TRABD2A: variants seen among roughly 807,000 people sequenced by gnomAD.
TRABD2A encodes the protein metalloprotease TIKI1.
Under a neutral mutation model 45.6 loss-of-function variants are expected in TRABD2A, and 43 were observed. The ratio of observed to expected loss-of-function variants is 0.94; its 90% CI spans 0.74 to 1.22. The LOEUF is 1.22. TRABD2A is among the 50% of genes most tolerant of loss of function. The pLI is 0.00. For missense variants in TRABD2A, 642 were observed against 652.4 expected (o/e 0.98, Z 0.17); for synonymous variants, 269 against 265.0 (o/e 1.02, Z -0.15).
At chr2:84,837,032 G>T (rs1681539635) in intron 4 of TRABD2A, 2 of 111,880 alleles carry the variant, frequency 1.8e-5, no homozygotes. Flanking sequence ...TCACTCTTGT[G>T]GCCCAGGCTG....
At chr2:84,869,575 T>A (rs1682801511) in intron 2 of TRABD2A, among the ~76,000 whole-genome samples, 1 of 152,214 alleles carries the variant, frequency 6.6e-6, no homozygotes, top group East Asian at 1.9e-4. Flanking sequence ...CAATGGCCAG[T>A]ATATTTTCAA....
chr2:84,841,707 G>T (rs1246713672), intron 3 of TRABD2A, among the ~76,000 whole-genome samples, 154 bp downstream of exon 3: 1 of 152,226 alleles, frequency 6.6e-6, no homozygotes. Context: ...ATTCGCTGTA[G>T]TGCCTCATTC....
intron 2 of TRABD2A, among the ~76,000 whole-genome samples, chr2:84,846,080 G>A (rs940218258): frequency 2.0e-5 from 3 of 152,120 alleles, no homozygotes; most frequent in African/African-American, 7.2e-5. Context: ...CAGGGTCATT[G>A]CTTTCTATTT....
intron 1 of TRABD2A, among the ~76,000 whole-genome samples, chr2:84,872,034 T>A (rs922596462): frequency 1.3e-5 from 2 of 152,190 alleles, no homozygotes; most frequent in African/African-American, 4.8e-5. Context: ...GCCATTTCAC[T>A]CCTGGCCCCT....
chr2:84,878,202 A>T (rs1036203538), intron 1 of TRABD2A, among the ~76,000 whole-genome samples: 1 of 152,198 alleles, frequency 6.6e-6, no homozygotes, highest in East Asian at 1.9e-4. Context: ...AAATGAGGGG[A>T]GAATTTCCCA....
chr2:84,845,566 A>T (rs1681859807), intron 2 of TRABD2A, among the ~76,000 whole-genome samples: 2 of 145,324 alleles, frequency 1.4e-5, no homozygotes, highest in African/African-American at 2.7e-5. Context: ...GGGGGAGACA[A>T]GGGCGGGGGA....
intron 2 of TRABD2A, among the ~76,000 whole-genome samples, chr2:84,865,667 G>A (rs887713290): frequency 1.4e-4 from 21 of 152,192 alleles, no homozygotes; most frequent in Admixed American, 8.5e-4. Flanking sequence ...ACCCCACCAC[G>A]ACGTCCGATC....
chr2:84,856,020 A>C (rs548984346), intron 2 of TRABD2A, among the ~76,000 whole-genome samples: 262 of 152,158 alleles, frequency 1.7e-3, no homozygotes, highest in Non-Finnish European at 2.6e-3. Flanking sequence ...GCCTCCCCGC[A>C]CTCAAACAAA....
At chr2:84,835,568 T>C (rs1204254816) in intron 4 of TRABD2A, 1 of 152,170 alleles carries the variant, frequency 6.6e-6, no homozygotes, top group Non-Finnish European at 1.5e-5. Context: ...CACACATCAC[T>C]ATGCCTAGCT....
intron 1 of TRABD2A, among the ~76,000 whole-genome samples, chr2:84,877,140 T>C (rs1683049203): frequency 6.6e-6 from 1 of 152,134 alleles, no homozygotes; most frequent in African/African-American, 2.4e-5. Context: ...AGACATGTCT[T>C]CAGCAGGGCA....
intron 2 of TRABD2A, among the ~76,000 whole-genome samples, chr2:84,865,666 C>A (rs1048342476): frequency 1.3e-5 from 2 of 152,210 alleles, no homozygotes; most frequent in African/African-American, 4.8e-5. Context: ...CACCCCACCA[C>A]GACGTCCGAT....
chr2:84,880,860 C>A (rs762935694), intron 1 of TRABD2A, 72 bp downstream of exon 1: 11 of 1,540,554 alleles, frequency 7.1e-6, no homozygotes, highest in Non-Finnish European at 9.6e-6. Context: ...CGCTGCTTCG[C>A]GGGGTTCGGA....
intron 1 of TRABD2A, among the ~76,000 whole-genome samples, chr2:84,873,114 CAAAAAAA>C (rs34974821): frequency 8.5e-5 from 6 of 70,694 alleles, no homozygotes; most frequent in South Asian, 4.9e-4. Context: ...GACTTCATCT[CAAAAAAA>C]AAAAAAAAAA....
chr2:84,876,999 T>C (rs1013641658), intron 1 of TRABD2A, among the ~76,000 whole-genome samples: 1 of 151,484 alleles, frequency 6.6e-6, no homozygotes, highest in Admixed American at 6.6e-5. Flanking sequence ...TCAAAAAGAG[T>C]TTTTTAAAGA....
intron 3 of TRABD2A, among the ~76,000 whole-genome samples, chr2:84,839,851 A>T (rs2105380475): frequency 6.6e-6 from 1 of 152,224 alleles, no homozygotes; most frequent in Middle Eastern, 3.4e-3. Flanking sequence ...CCTGGCAAAT[A>T]TTTCACTGAT....
chr2:84,842,861 A>T (rs1681758448), intron 2 of TRABD2A, among the ~76,000 whole-genome samples: 1 of 152,066 alleles, frequency 6.6e-6, no homozygotes, highest in South Asian at 2.1e-4. Context: ...TCCCAAACAT[A>T]TTTGAGGCAT....
chr2:84,847,109 T>C (rs554295824), intron 2 of TRABD2A, among the ~76,000 whole-genome samples: 1 of 152,108 alleles, frequency 6.6e-6, no homozygotes, highest in Non-Finnish European at 1.5e-5. Flanking sequence ...AGGAGGTAAC[T>C]CCCTCTCCAG....
chr2:84,873,476 A>G (rs1404183845), intron 1 of TRABD2A, among the ~76,000 whole-genome samples: 1 of 152,228 alleles, frequency 6.6e-6, no homozygotes, highest in Non-Finnish European at 1.5e-5. Context: ...TTAACAGATG[A>G]ATCACGTACA....
rs1368034274 is a variant in TRABD2A, at chr2:84,839,300, C to T, written c.840G>A (p.Thr280=). ...SSQVPNFINA[T]LPPQERITAQ... ...CAGTGATGCGCTCCTGAGGTGGTAG[C>T]GTGGCATTAATAAAATTGGGAACCT... is the stretch of plus-strand genomic sequence containing the variant. The change falls in exon 4 of 7, where the codon ACG becomes ACA. Residue 280 remains threonine, a synonymous_variant. Transcript: ENST00000409520. 1.2e-6 allele frequency: 2 copies of T among 1,608,210 alleles called. No homozygotes were observed. The highest frequency in any genetic ancestry group is 2.2e-5 in the East Asian group (1 of 44,794).
Sources: gnomAD v4.1 joint callset for allele counts (sites outside exome capture counted in the v4.1 genomes callset) on GRCh38, gnomAD v4.1.1 for gene constraint, MANE v1.5 for transcripts, NCBI Gene and HGNC (gene_info 2026-07-23, HGNC 2026-07-21) for gene names.